Variants in EXT1 observed in about 807,000 individuals in gnomAD.
EXT1 encodes the protein exostosin glycosyltransferase 1.
Under a neutral mutation model 82.5 loss-of-function variants are expected in EXT1, and 20 were observed. The ratio of observed to expected loss-of-function variants is 0.24; its 90% confidence interval spans 0.17 to 0.35. The LOEUF is 0.35. Among genes scored for constraint, EXT1 ranks in the 10% least tolerant of loss-of-function variants. EXT1 has a pLI of 1.00. For synonymous variants in EXT1, 348 were observed against 350.8 expected (o/e 0.99, Z 0.09); for missense variants, 757 against 936.5 (o/e 0.81, Z 2.50).
intron 1 of EXT1, among the ~76,000 whole-genome samples, chr8:117,849,542 T>C (rs762677192): frequency 7.9e-5 from 12 of 152,260 alleles, no homozygotes; most frequent in Non-Finnish European, 1.3e-4. Flanking sequence ...TAAAAGGATA[T>C]AGAGAAGTTT....
intron 3 of EXT1, 123 bp from the exon 4 acceptor site, chr8:117,830,472 T>C (rs1429898480): frequency 9.5e-7 from 1 of 1,055,428 alleles, no homozygotes; most frequent in Non-Finnish European, 1.4e-6. Context: ...CATATAGATC[T>C]ACTAAAAATC....
intron 1 of EXT1, among the ~76,000 whole-genome samples, chr8:118,052,552 G>A (rs1486449879): frequency 6.6e-6 from 1 of 152,158 alleles, no homozygotes; most frequent in Non-Finnish European, 1.5e-5. Context: ...GGGCATCATA[G>A]TCACAGAATG....
intron 1 of EXT1, among the ~76,000 whole-genome samples, chr8:117,950,123 C>A (rs542607102): frequency 1.3e-5 from 2 of 152,158 alleles, no homozygotes; most frequent in Non-Finnish European, 2.9e-5. Flanking sequence ...AGCCTGTAGT[C>A]CCAGCTGCTG....
chr8:118,022,326 C>CT (rs71307420), intron 1 of EXT1, among the ~76,000 whole-genome samples: 8,071 of 46,264 alleles, frequency 0.17, 3,077 homozygotes, highest in Non-Finnish European at 0.25. Flanking sequence ...CATATATATT[C>CT]TTTTTTTTTT....
At chr8:117,906,706 A>C (rs1813550160) in intron 1 of EXT1, among the ~76,000 whole-genome samples, 1 of 152,202 alleles carries the variant, frequency 6.6e-6, no homozygotes, top group Non-Finnish European at 1.5e-5. Context: ...CATCATGAAC[A>C]CTTGAAAAAT....
chr8:117,880,404 T>C (rs534949295), intron 1 of EXT1, among the ~76,000 whole-genome samples: 36 of 152,196 alleles, frequency 2.4e-4, no homozygotes, highest in Non-Finnish European at 3.2e-4. Context: ...AATTGTTAGA[T>C]TTCTGAAGTT....
At chr8:117,943,071 TG>T (rs1814319694) in intron 1 of EXT1, among the ~76,000 whole-genome samples, 1 of 152,244 alleles carries the variant, frequency 6.6e-6, no homozygotes, top group Non-Finnish European at 1.5e-5. Context: ...CTCTTTGAAA[TG>T]GATGTTTGTG....
chr8:117,892,479 G>A (rs1427254087), intron 1 of EXT1, among the ~76,000 whole-genome samples: 1 of 152,210 alleles, frequency 6.6e-6, no homozygotes, highest in Non-Finnish European at 1.5e-5. Context: ...TGCTGAGGAA[G>A]AAGAGGGTTG....
intron 1 of EXT1, among the ~76,000 whole-genome samples, chr8:118,053,834 G>C (rs1563641655): frequency 6.6e-6 from 1 of 152,168 alleles, no homozygotes; most frequent in Non-Finnish European, 1.5e-5. Context: ...AATTAGAGCA[G>C]TTCATTCTAT....
chr8:118,018,473 A>T (rs977099450), intron 1 of EXT1, among the ~76,000 whole-genome samples: 3 of 152,178 alleles, frequency 2.0e-5, no homozygotes, highest in African/African-American at 7.2e-5. Context: ...CCACGGAAGG[A>T]AAACAGCCCT....
chr8:117,823,869 G>C (rs1050762732), intron 4 of EXT1, among the ~76,000 whole-genome samples: 1 of 152,112 alleles, frequency 6.6e-6, no homozygotes, highest in African/African-American at 2.4e-5. Context: ...TAATTTGGTG[G>C]AGACTTTAGG....
chr8:117,974,157 CAT>C (rs1815019692), intron 1 of EXT1, among the ~76,000 whole-genome samples: 3 of 152,238 alleles, frequency 2.0e-5, no homozygotes, highest in African/African-American at 7.2e-5. Flanking sequence ...ATATATGAAA[CAT>C]AACAGATAAG....
chr8:117,882,039 T>G, intron 1 of EXT1, among the ~76,000 whole-genome samples: 1 of 152,204 alleles, frequency 6.6e-6, no homozygotes, highest in Non-Finnish European at 1.5e-5. Flanking sequence ...TTAAGGAACC[T>G]GTAACCAGAC....
chr8:117,880,667 C>T (rs1383135641), intron 1 of EXT1, among the ~76,000 whole-genome samples: 8 of 151,384 alleles, frequency 5.3e-5, no homozygotes, highest in East Asian at 3.9e-4. Flanking sequence ...CTCAGCTCAC[C>T]GCAACCTCCG....
intron 1 of EXT1, among the ~76,000 whole-genome samples, chr8:117,950,278 G>A (rs1814468000): frequency 6.6e-6 from 1 of 152,078 alleles, no homozygotes. Flanking sequence ...TCACTAACAA[G>A]GAAAGTTCTA....
chr8:118,017,084 C>G (rs372507783), intron 1 of EXT1, among the ~76,000 whole-genome samples: 1 of 152,104 alleles, frequency 6.6e-6, no homozygotes, highest in African/African-American at 2.4e-5. Flanking sequence ...CCAGACGGAC[C>G]GGTATAATCA....
intron 1 of EXT1, among the ~76,000 whole-genome samples, chr8:117,896,329 T>C (rs546674253): frequency 6.6e-6 from 1 of 152,382 alleles, no homozygotes; most frequent in Admixed American, 6.5e-5. Context: ...TATTAATTTC[T>C]AAGCATCTTT....
At chr8:117,817,474 G>A (rs1285155437) in intron 7 of EXT1, among the ~76,000 whole-genome samples, 1 of 152,028 alleles carries the variant, frequency 6.6e-6, no homozygotes, top group Non-Finnish European at 1.5e-5. Flanking sequence ...TCATTTAGTA[G>A]TGACTATTTC....
chr8:118,050,346 G>A (rs1207054787), intron 1 of EXT1, among the ~76,000 whole-genome samples: 2 of 152,152 alleles, frequency 1.3e-5, no homozygotes, highest in East Asian at 1.9e-4. Flanking sequence ...ATCTCATTTC[G>A]TCCTCACCCA....
Sources: allele counts gnomAD v4.1 joint callset (sites outside exome capture counted in the v4.1 genomes callset), GRCh38; gene constraint gnomAD v4.1.1; transcripts MANE v1.5; gene names NCBI Gene and HGNC (gene_info 2026-07-23, HGNC 2026-07-21).